CHST9: variants seen among roughly 807,000 people sequenced by gnomAD.
The protein encoded by CHST9 is GalNAc-4-sulfotransferase 2.
In CHST9, 41 loss-of-function variants were observed where a neutral mutation model predicts 44.4. That is an observed-to-expected ratio of 0.92 (90% CI 0.72 to 1.20). The LOEUF is 1.20. Ranked by LOEUF, CHST9 falls within the 50% of genes most tolerant of loss-of-function variation. CHST9 has a pLI of 0.00. For synonymous variants in CHST9, 171 were observed against 178.4 expected (o/e 0.96, Z 0.33); for missense variants, 504 against 516.5 (o/e 0.98, Z 0.23).
intron 1 of CHST9, among the ~76,000 whole-genome samples, chr18:27,154,531 C>T (rs1023089201): frequency 6.6e-6 from 1 of 151,928 alleles, no homozygotes; most frequent in South Asian, 2.1e-4. Flanking sequence ...ATGTGGTGTG[C>T]AAGCTGACTG....
chr18:26,965,498 A>G (rs1412831263), intron 4 of CHST9, among the ~76,000 whole-genome samples: 1 of 152,222 alleles, frequency 6.6e-6, no homozygotes, highest in Non-Finnish European at 1.5e-5. Flanking sequence ...CCTGGCCTGT[A>G]GCATGGGTTT....
intron 2 of CHST9, among the ~76,000 whole-genome samples, chr18:27,070,076 G>C (rs1000448426): frequency 6.6e-6 from 1 of 152,182 alleles, no homozygotes; most frequent in Non-Finnish European, 1.5e-5. Flanking sequence ...CACATAAAAA[G>C]TTAATTCCAG....
Position 26,911,686 on chromosome 18 carries a change from A to G in CHST9, c.*4573T>C, listed in dbSNP as rs550094558. 2 of 152,240 alleles carry G rather than the reference A, an allele frequency of 1.3e-5. No individual in the cohort carries two copies. The highest frequency in any genetic ancestry group is 2.1e-4 in the South Asian group (1 of 4,830). The allele number at this position is 152,240 out of a possible 1,614,324, so 9.4% of individuals were successfully genotyped here. ...GATTTAAATACTTTTGCCTGGAAGC[A>G]TATGATCCTGGTGAAAAACTAAGAT... is the stretch of plus-strand genomic sequence containing the variant. On this transcript the variant is annotated 3_prime_UTR_variant, in exon 6 of 6. Transcript: ENST00000618847.
At chr18:26,942,104 T>C (rs192892875) in intron 5 of CHST9, among the ~76,000 whole-genome samples, 2 of 152,306 alleles carry the variant, frequency 1.3e-5, no homozygotes, top group East Asian at 3.9e-4. Context: ...ATGGATTATC[T>C]AAAGTGGGTT....
chr18:26,950,119 C>A (rs868214274), intron 4 of CHST9, among the ~76,000 whole-genome samples: 3 of 152,232 alleles, frequency 2.0e-5, no homozygotes, highest in Non-Finnish European at 4.4e-5. Flanking sequence ...TGAATTCAAA[C>A]AAGTTCTTAT....
At chr18:27,180,975 TA>T (rs199548542) in intron 1 of CHST9, among the ~76,000 whole-genome samples, 2 of 150,750 alleles carry the variant, frequency 1.3e-5, no homozygotes, top group African/African-American at 2.4e-5. Flanking sequence ...AATGTTTCCT[TA>T]AAAAAAAAGC....
At chr18:26,982,760 T>C (rs1474357275) in intron 4 of CHST9, among the ~76,000 whole-genome samples, 1 of 152,232 alleles carries the variant, frequency 6.6e-6, no homozygotes, top group East Asian at 1.9e-4. Context: ...TTCCACATGA[T>C]GGTCCTTCAA....
chr18:27,076,425 T>C (rs1321964360), intron 2 of CHST9, among the ~76,000 whole-genome samples: 1 of 152,216 alleles, frequency 6.6e-6, no homozygotes, highest in Non-Finnish European at 1.5e-5. Context: ...TTAAAACTTA[T>C]TTTCAAAGGA....
intron 1 of CHST9, among the ~76,000 whole-genome samples, chr18:27,177,984 A>C (rs1418169042): frequency 6.6e-6 from 1 of 151,984 alleles, no homozygotes; most frequent in African/African-American, 2.4e-5. Flanking sequence ...CAACAACTTC[A>C]ATTTCATCTT....
intron 2 of CHST9, among the ~76,000 whole-genome samples, chr18:27,102,982 T>G (rs1053088845): frequency 3.9e-5 from 6 of 152,194 alleles, no homozygotes; most frequent in Non-Finnish European, 8.8e-5. Context: ...AAGAGACTCA[T>G]TAGTCTTGAA....
chr18:27,112,595 G>GTGTGTGTGTGTGTGTT (rs1555624898), intron 2 of CHST9, among the ~76,000 whole-genome samples: 3 of 150,004 alleles, frequency 2.0e-5, no homozygotes, highest in African/African-American at 7.4e-5. Flanking sequence ...GTGTGTGTGT[G>GTGTGTGTGTGTGTGTT]TGTGTGTGTG....
chr18:27,065,392 A>G (rs958508120), intron 2 of CHST9, among the ~76,000 whole-genome samples: 1 of 152,188 alleles, frequency 6.6e-6, no homozygotes, highest in South Asian at 2.1e-4. Context: ...AATGGCAGCC[A>G]CTTTCTTTTG....
intron 1 of CHST9, among the ~76,000 whole-genome samples, chr18:27,153,540 CTCTCTCTG>C (rs930174411): frequency 9.6e-6 from 1 of 104,592 alleles, no homozygotes; most frequent in African/African-American, 3.5e-5. Flanking sequence ...CTCTCTCTCT[CTCTCTCTG>C]TGTGTGTGTG....
chr18:26,926,106 C>T (rs1489076267), intron 5 of CHST9, among the ~76,000 whole-genome samples: 1 of 152,156 alleles, frequency 6.6e-6, no homozygotes, highest in African/African-American at 2.4e-5. Context: ...ACAGTGAACA[C>T]TTGAAGAGAG....
chr18:27,095,544 C>A (rs1004904407), intron 2 of CHST9, among the ~76,000 whole-genome samples: 1 of 152,186 alleles, frequency 6.6e-6, no homozygotes, highest in East Asian at 1.9e-4. Context: ...TTCAAGAGAG[C>A]CATCTCAAAC....
chr18:27,102,478 A>G (rs2058183065), intron 2 of CHST9, among the ~76,000 whole-genome samples: 1 of 152,206 alleles, frequency 6.6e-6, no homozygotes, highest in South Asian at 2.1e-4. Flanking sequence ...GACTATAAAA[A>G]GGGTCTAAAA....
chr18:26,930,039 T>A (rs2055848742), intron 5 of CHST9, among the ~76,000 whole-genome samples: 1 of 152,182 alleles, frequency 6.6e-6, no homozygotes, highest in African/African-American at 2.4e-5. Flanking sequence ...CATCTACTGG[T>A]CCCAGATCAG....
At chr18:27,020,729 AT>A (rs1225221272) in intron 4 of CHST9, among the ~76,000 whole-genome samples, 1 of 152,228 alleles carries the variant, frequency 6.6e-6, no homozygotes, top group African/African-American at 2.4e-5. Context: ...TATAGCCTAT[AT>A]TTCCTTTATT....
chr18:26,969,496 T>C (rs530138102), intron 4 of CHST9, among the ~76,000 whole-genome samples: 1 of 152,088 alleles, frequency 6.6e-6, no homozygotes, highest in Admixed American at 6.5e-5. Flanking sequence ...AGCTCCCAGA[T>C]AAAGATGAGT....
Sources: gnomAD v4.1 joint callset for allele counts (sites outside exome capture counted in the v4.1 genomes callset) on GRCh38, gnomAD v4.1.1 for gene constraint, MANE v1.5 for transcripts, NCBI Gene and HGNC (gene_info 2026-07-23, HGNC 2026-07-21) for gene names.